The following CELF2 variants were observed in gnomAD, a reference collection of about 807,000 sequenced individuals.
CELF2 encodes CUGBP Elav-like family member 2.
In CELF2, 8 loss-of-function variants were observed where a neutral mutation model predicts 62.6. That is an observed-to-expected ratio of 0.13 (90% confidence interval 0.07 to 0.23). CELF2 has a LOEUF of 0.23. CELF2 is among the 10% of genes least tolerant of loss of function. The pLI is 1.00. For synonymous variants in CELF2, 258 were observed against 250.0 expected, an observed-to-expected ratio of 1.03 and a Z score of -0.30; for missense variants, 333 against 671.0, an observed-to-expected ratio of 0.50 and a Z score of 5.56.
the CELF2 span, among the ~76,000 whole-genome samples, chr10:10,515,582 T>C: frequency 2.6e-5 from 4 of 152,336 alleles, no homozygotes; most frequent in African/African-American, 9.6e-5. Context: ...AGTGTCCCAC[T>C]GTGACTCACT....
intron 1 of CELF2, among the ~76,000 whole-genome samples, chr10:11,121,248 T>C (rs368540518): frequency 6.6e-6 from 1 of 152,208 alleles, no homozygotes; most frequent in Non-Finnish European, 1.5e-5. Context: ...TTTTAAGACC[T>C]ATCTTAGTGT....
chr10:11,124,679 T>C (rs2058365886), intron 1 of CELF2, among the ~76,000 whole-genome samples: 1 of 152,170 alleles, frequency 6.6e-6, no homozygotes, highest in Admixed American at 6.6e-5. Context: ...TGCCAGGCAC[T>C]GCAATAAGTT....
intron 1 of CELF2, among the ~76,000 whole-genome samples, chr10:10,814,798 G>T (rs531977686): frequency 6.6e-6 from 1 of 152,274 alleles, no homozygotes; most frequent in African/African-American, 2.4e-5. Flanking sequence ...CTCCAATTAT[G>T]CAACATGAGA....
At chr10:11,202,933 C>T (rs12416310) in intron 2 of CELF2, among the ~76,000 whole-genome samples, 1 of 85,796 alleles carries the variant, frequency 1.2e-5, no homozygotes, top group South Asian at 3.4e-4. Context: ...CTCTCTCTCT[C>T]TCTCTCTCTC....
intron 2 of CELF2, among the ~76,000 whole-genome samples, chr10:10,925,424 G>A (rs541843174): frequency 6.6e-6 from 1 of 151,928 alleles, no homozygotes; most frequent in Non-Finnish European, 1.5e-5. Flanking sequence ...ATGGTTGTCA[G>A]CTTGGCATAC....
At chr10:10,686,419 G>T in the CELF2 span, among the ~76,000 whole-genome samples, 2 of 151,894 alleles carry the variant, frequency 1.3e-5, no homozygotes, top group East Asian at 3.9e-4. Flanking sequence ...CATTGGCAGG[G>T]TTGTGATCAC....
chr10:10,690,219 C>T, the CELF2 span, among the ~76,000 whole-genome samples: 1 of 152,110 alleles, frequency 6.6e-6, no homozygotes, highest in Non-Finnish European at 1.5e-5. Flanking sequence ...AACTTTGCAC[C>T]TTTCCCTTTG....
Position 11,117,631 on chromosome 10 carries a change from T to C in CELF2, c.75-47855T>C, listed in dbSNP as rs533191122. Among the ~76,000 whole-genome samples, 2 of 152,328 alleles carry C rather than the reference T, an allele frequency of 1.3e-5. No individual in the cohort carries two copies. Among genetic ancestry groups the C allele is most frequent in the South Asian group, 4.1e-4 (2 of 4,832 alleles). ...GTGTGTGATGGTATCATGACATGAA[T>C]ATGATCCTTGCTGACATTAAAATGG... On this transcript the variant is annotated intron_variant, in intron 1 of 12. Coordinates refer to ENST00000633077, the MANE Select transcript of CELF2 (RefSeq NM_001326342.2). The surrounding 1 kb of genome is among the most constrained non-coding windows in gnomAD (Gnocchi z 4.1).
At chr10:11,124,869 G>A (rs186352939) in intron 1 of CELF2, among the ~76,000 whole-genome samples, 2 of 152,238 alleles carry the variant, frequency 1.3e-5, no homozygotes, top group East Asian at 1.9e-4. Flanking sequence ...ATTCACATAT[G>A]CTTATATATA....
At chr10:10,670,957 C>A in the CELF2 span, among the ~76,000 whole-genome samples, 1 of 151,960 alleles carries the variant, frequency 6.6e-6, no homozygotes, top group Non-Finnish European at 1.5e-5. Flanking sequence ...CACTTGAGCC[C>A]AGAGTTTGAG....
Position 11,336,635 on chromosome 10 carries a change from T to C in CELF2, c.*7582T>C, listed in dbSNP as rs1228183442. ...TTTTCATTAAAATTATATCACTGGC[T>C]TTATGACTTAATATTCAATAAATTG... On this transcript the variant is annotated 3_prime_UTR_variant, in exon 13 of 13. Coordinates refer to ENST00000633077, the MANE Select transcript of CELF2 (RefSeq NM_001326342.2). This position sits in a 1 kb window ranked among gnomAD's most constrained non-coding sequence, Gnocchi z 5.4. The C allele has an allele frequency of 6.6e-6, 1 of 152,646 alleles. No homozygotes were observed. The highest frequency in any genetic ancestry group is 1.5e-5 in the Non-Finnish European group (1 of 68,040). 9.5% of individuals were successfully genotyped at this position (152,646 alleles called of 1,614,324 possible). A position where few individuals can be genotyped will look rare whatever the true frequency, so the allele number is the denominator to read the frequency against.
In CELF2 at chr10:11,032,308, A is replaced by T. The variant is rs1044884805; in HGVS notation, c.74+14145A>T. Among the ~76,000 whole-genome samples the T allele has an allele frequency of 3.3e-5, 5 of 152,030 alleles. No individual in the cohort carries two copies. In the East Asian group the frequency reaches 9.7e-4, roughly 29 times the overall value. On this transcript the variant is annotated intron_variant, in intron 1 of 12. Transcript: ENST00000633077. ...GACCCAGTTTCTAATTTCAGCTTAA[A>T]CCCCTTGAAATTGTTAAAGAGAATC...
intron 1 of CELF2, among the ~76,000 whole-genome samples, chr10:11,066,904 G>A (rs2068321785): frequency 6.6e-6 from 1 of 152,188 alleles, no homozygotes; most frequent in Non-Finnish European, 1.5e-5. Flanking sequence ...GACCGCTGGT[G>A]TAGGTGCTGT....
chr10:11,068,149 T>C (rs1276972140), intron 1 of CELF2, among the ~76,000 whole-genome samples: 1 of 152,252 alleles, frequency 6.6e-6, no homozygotes, highest in African/African-American at 2.4e-5. Context: ...CTGTGTGTCA[T>C]GTCTGATTCC....
intron 1 of CELF2, among the ~76,000 whole-genome samples, chr10:11,040,124 G>A (rs992047613): frequency 6.6e-6 from 1 of 152,166 alleles, no homozygotes; most frequent in Admixed American, 6.5e-5. Flanking sequence ...AGGGAAGGTA[G>A]GACAGGAGGA....
the CELF2 span, among the ~76,000 whole-genome samples, chr10:10,612,358 CCA>C: frequency 7.8e-4 from 118 of 152,184 alleles, 2 homozygotes; most frequent in African/African-American, 2.7e-3. Flanking sequence ...AATGGAAAAA[CCA>C]CACACACAAA....
At chr10:11,057,105 CAG>C (rs2065438398) in intron 1 of CELF2, among the ~76,000 whole-genome samples, 1 of 152,206 alleles carries the variant, frequency 6.6e-6, no homozygotes, top group Admixed American at 6.5e-5. Context: ...ATCTGTGTAA[CAG>C]AGAAACAGTT....
At chr10:10,746,260 G>C in the CELF2 span, among the ~76,000 whole-genome samples, 2 of 152,116 alleles carry the variant, frequency 1.3e-5, no homozygotes, top group South Asian at 4.1e-4. Context: ...CAAAACACCG[G>C]GATAACAGAC....
At chr10:10,506,118 A>T in the CELF2 span, among the ~76,000 whole-genome samples, 2 of 151,374 alleles carry the variant, frequency 1.3e-5, no homozygotes. Context: ...TTAAATTCTT[A>T]TCCCTCTTGC....
Sources: gnomAD v4.1 joint callset for allele counts (sites outside exome capture counted in the v4.1 genomes callset) on GRCh38, gnomAD v4.1.1 for gene constraint, Gnocchi (gnomAD v3.1) non-coding constraint, MANE v1.5 for transcripts, NCBI Gene and HGNC (gene_info 2026-07-23, HGNC 2026-07-21) for gene names.